CAPN3: variants seen among roughly 807,000 people sequenced by gnomAD.
The protein encoded by CAPN3 is calpain 3.
Under a neutral mutation model 114.0 loss-of-function variants are expected in CAPN3, and 88 were observed. The observed-to-expected ratio is 0.77, with a 90% CI of 0.65 to 0.92. The LOEUF (loss-of-function observed/expected upper bound fraction) is 0.92, where lower values mean the gene tolerates loss of function less well. Ranked by LOEUF, CAPN3 falls within the 40% of genes least tolerant of loss-of-function variation. The probability of loss-of-function intolerance (pLI) is 0.00; values close to 1 mark genes in which losing one functional copy is unlikely to be tolerated. For missense variants in CAPN3, 1,028 were observed against 1,069.0 expected, an observed-to-expected ratio of 0.96 and a Z score of 0.53; for synonymous variants, 386 against 382.9, an observed-to-expected ratio of 1.01 and a Z score of -0.09.
At position 42,412,122 on chromosome 15, in the gene CAPN3, C is replaced by A. The variant is rs1199872944; in HGVS notation, c.*349C>A. 6.5e-7 allele frequency: 1 copy of A among 1,535,964 alleles called. No individual in the cohort carries two copies. Among genetic ancestry groups the A allele is most frequent in the East Asian group, 2.4e-5 (1 of 40,916 alleles). Reference sequence around the variant, plus strand: ...AAGCACCTGCCGGTGGCACTCAGCACCTCCTTGTGCTAGAGCCCTCCATCA... The same window carrying A: ...AAGCACCTGCCGGTGGCACTCAGCAACTCCTTGTGCTAGAGCCCTCCATCA... On this transcript the variant is annotated 3_prime_UTR_variant, in exon 24 of 24. Transcript: ENST00000397163.
chr15:42,400,392 T>A (rs2053829645), intron 10 of CAPN3, among the ~76,000 whole-genome samples: 1 of 152,112 alleles, frequency 6.6e-6, no homozygotes, highest in African/African-American at 2.4e-5. Context: ...GGAAGAAGAA[T>A]GATGTCAAGA....
At chr15:42,390,790 G>GTTTTT in intron 6 of CAPN3, among the ~76,000 whole-genome samples, 1 of 110,298 alleles carries the variant, frequency 9.1e-6, no homozygotes, top group Non-Finnish European at 2.0e-5. Flanking sequence ...TTGTTTTTTT[G>GTTTTT]TTTTTTTTTT....
Position 42,378,790 on chromosome 15 carries a change from C to T in CAPN3, c.310-5693C>T, listed in dbSNP as rs2053161303. 2.0e-5 allele frequency among the ~76,000 whole-genome samples: 3 copies of T among 152,150 alleles called. 1 individual carries two copies. The highest frequency in any genetic ancestry group is 2.0e-4 in the Admixed American group (3 of 15,280). Reference sequence around the variant, plus strand: ...TATGCATTTAATGCTATAACTTTCCCTTTAAACACTGCTTTTGTTGCATCC... The same window carrying T: ...TATGCATTTAATGCTATAACTTTCCTTTTAAACACTGCTTTTGTTGCATCC... On this transcript the variant is annotated intron_variant, in intron 1 of 23. Coordinates refer to ENST00000397163, the MANE Select transcript of CAPN3 (RefSeq NM_000070.3).
chr15:42,405,124 C>T (rs1475543386), intron 14 of CAPN3, among the ~76,000 whole-genome samples: 3 of 152,104 alleles, frequency 2.0e-5, no homozygotes, highest in African/African-American at 4.8e-5. Context: ...TGATAGTTGC[C>T]GCAGGGATTA....
chr15:42,410,926 G>C lies in CAPN3; in HGVS notation c.2306G>C (p.Arg769Pro), dbSNP rs80338802. 6.2e-7 allele frequency: 1 copy of C among 1,614,176 alleles called. No homozygotes were observed. The highest frequency in any genetic ancestry group is 1.7e-5 in the Admixed American group (1 of 60,020). ...NNQLYDIITM[R>P]YADKHMNIDF... is the part of the protein sequence containing the mutation. Reference sequence around the variant, plus strand: ...CAGCTCTATGACATCATTACCATGCGGTACGCAGACAAACACATGAACATC... The same window carrying C: ...CAGCTCTATGACATCATTACCATGCCGTACGCAGACAAACACATGAACATC... The change falls in exon 22 of 24, where the codon CGG becomes CCG. Residue 769 changes from arginine (R) to proline (P), a missense_variant. By Grantham distance (103) the Arg-to-Pro change is moderately radical (BLOSUM62 -2). Transcript: ENST00000397163.
chr15:42,411,094 G>C (rs1458743466), intron 22 of CAPN3, 94 bp downstream of exon 22: 2 of 1,153,512 alleles, frequency 1.7e-6, no homozygotes, highest in South Asian at 1.2e-5. Context: ...GCTCCATCCA[G>C]GCTGAACAAG....
intron 13 of CAPN3, 46 bp from the exon 14 acceptor site, chr15:42,403,695 T>C (rs1160962426): frequency 1.3e-6 from 2 of 1,590,316 alleles, no homozygotes; most frequent in Non-Finnish European, 1.7e-6. Context: ...GGCCTCCTGC[T>C]TGCTTCTGGT....
chr15:42,361,552 T>C (rs1298195544), intron 1 of CAPN3, among the ~76,000 whole-genome samples: 1 of 151,940 alleles, frequency 6.6e-6, no homozygotes, highest in African/African-American at 2.4e-5. Context: ...TTCTTGGTTC[T>C]ATGGTAAGGC....
intron 9 of CAPN3, 145 bp downstream of exon 9, chr15:42,397,022 G>C: frequency 2.9e-6 from 2 of 688,456 alleles, no homozygotes; most frequent in Non-Finnish European, 2.6e-6. Flanking sequence ...GGCCCAGCAA[G>C]GATGAGGTTC....
chr15:42,401,358 G>A (rs970941328), intron 10 of CAPN3, among the ~76,000 whole-genome samples: 1 of 151,614 alleles, frequency 6.6e-6, no homozygotes, highest in African/African-American at 2.4e-5. Context: ...CACCAACAGC[G>A]TTTAAGGGGC....
At chr15:42,409,214 C>T in intron 16 of CAPN3, 89 bp from the exon 17 acceptor site, 1 of 1,273,304 alleles carries the variant, frequency 7.9e-7, no homozygotes, top group Non-Finnish European at 1.1e-6. Flanking sequence ...CCGTTTTAGG[C>T]ACTTGGCTCC....
chr15:42,402,918 A>ACGTCAT lies in CAPN3; in HGVS notation c.1665_1670dup (p.Ile556_Val557dup), dbSNP rs2053914245. 6.2e-7 allele frequency: 1 copy of ACGTCAT among 1,614,110 alleles called. No individual in the cohort carries two copies. Among genetic ancestry groups the ACGTCAT allele is most frequent in the Admixed American group, 1.7e-5 (1 of 60,014 alleles). Reference sequence around the variant, plus strand: ...CGCTTCCGCCTGCCTCCCAGCGAGTACGTCATCGTGCCCTCCACCTACGAG... The same window carrying ACGTCAT: ...CGCTTCCGCCTGCCTCCCAGCGAGTACGTCATCGTCATCGTGCCCTCCACCTACGAG... On this transcript the variant is annotated inframe_insertion, in exon 13 of 24. Coordinates refer to ENST00000397163, the MANE Select transcript of CAPN3 (RefSeq NM_000070.3).
chr15:42,410,023 C>CCT, intron 19 of CAPN3, 28 bp downstream of exon 19: 1 of 1,606,136 alleles, frequency 6.2e-7, no homozygotes, highest in Non-Finnish European at 8.5e-7. Context: ...CCTTCCCGAC[C>CCT]CTCTGTCATC....
At chr15:42,368,296 C>T (rs574165433) in intron 1 of CAPN3, among the ~76,000 whole-genome samples, 1 of 152,162 alleles carries the variant, frequency 6.6e-6, no homozygotes, top group Non-Finnish European at 1.5e-5. Flanking sequence ...CTTTTCATGA[C>T]GTCTTTAGTG....
chr15:42,412,281 A>G lies in CAPN3; in HGVS notation c.*508A>G. 1 of 1,191,378 alleles carries G rather than the reference A, an allele frequency of 8.4e-7. No individual in the cohort carries two copies. Among genetic ancestry groups the G allele is most frequent in the African/African-American group, 1.5e-5 (1 of 66,028 alleles). The allele number at this position is 1,191,378 out of a possible 1,614,324, so 73.8% of individuals were successfully genotyped here. Reference sequence around the variant, plus strand: ...TCATAAGTTTGGCTGCATTTTGAAAAAAGCTGATCTAAATAAAGGCATGTG... The same window carrying G: ...TCATAAGTTTGGCTGCATTTTGAAAGAAGCTGATCTAAATAAAGGCATGTG... On this transcript the variant is annotated 3_prime_UTR_variant, in exon 24 of 24. Transcript: ENST00000397163.
rs775969976 is a variant in CAPN3 at position 42,401,754 on chromosome 15, C to CT, written c.1468_1469insT (p.Arg490LeufsTer87). 6 of 1,613,870 alleles carry CT rather than the reference C, an allele frequency of 3.7e-6. No homozygotes were observed. The South Asian group carries it at 6.6e-5, about 18-fold the overall frequency. On this transcript the variant is annotated frameshift_variant, in exon 11 of 24. Transcript: ENST00000397163. LOFTEE classifies it high-confidence loss of function. ...GGTGGCCCTGATGCAGAAGAACCGG[C>CT]GGAAGGACCGGAAGCTAGGGGCCAG...
At chr15:42,409,432 T>G in intron 17 of CAPN3, 52 bp downstream of exon 17, 1 of 1,477,398 alleles carries the variant, frequency 6.8e-7, no homozygotes, top group Non-Finnish European at 9.5e-7. Context: ...CTCTCCTGGA[T>G]TAACTGCTCA....
chr15:42,402,995 C>A lies in CAPN3; in HGVS notation c.1738C>A (p.Leu580Ile). 1 of 1,613,876 alleles carries A rather than the reference C, an allele frequency of 6.2e-7. No homozygotes were observed. Among genetic ancestry groups the A allele is most frequent in the Non-Finnish European group, 8.5e-7 (1 of 1,179,752 alleles). The stretch of plus-strand genomic sequence containing the variant: ...CCGGGTCTTCTCTGAAAAGAGGAAC[C>A]TCTCTGAGTGAGTGCTGGCCCAGCT... The part of the protein sequence containing the change: ...ILRVFSEKRN[L>I]SEEVENTISV... Residue 580 changes from leucine to isoleucine, a missense_variant, in exon 13 of 24, where the codon CTC (leucine) becomes ATC (isoleucine). Transcript: ENST00000397163.
intron 12 of CAPN3, 79 bp downstream of exon 12, chr15:42,402,214 G>T: frequency 6.2e-7 from 1 of 1,609,570 alleles, no homozygotes; most frequent in East Asian, 2.2e-5. Flanking sequence ...TCGTCGAGAA[G>T]CTTCCTGGTG....
Sources: allele counts gnomAD v4.1 joint callset (sites outside exome capture counted in the v4.1 genomes callset), GRCh38; gene constraint gnomAD v4.1.1; transcripts MANE v1.5; gene names NCBI Gene and HGNC (gene_info 2026-07-23, HGNC 2026-07-21).